The following ELP4 variants were observed in gnomAD, a reference collection of about 807,000 sequenced individuals.
ELP4 encodes elongator complex protein 4.
A neutral mutation model predicts 48.9 loss-of-function variants in ELP4; 51 were observed. The ratio of observed to expected loss-of-function variants is 1.04; its 90% CI spans 0.83 to 1.32. The LOEUF (loss-of-function observed/expected upper bound fraction) is 1.32. Among genes scored for constraint, ELP4 ranks in the 40% most tolerant of loss-of-function variants. The pLI is 0.00. For missense variants in ELP4, 519 were observed against 514.6 expected (o/e 1.01, Z -0.08); for synonymous variants, 210 against 189.2 (o/e 1.11, Z -0.90).
intron 9 of ELP4, among the ~76,000 whole-genome samples, chr11:31,777,286 C>T (rs1283356250): frequency 6.6e-6 from 1 of 152,090 alleles, no homozygotes; most frequent in Non-Finnish European, 1.5e-5. Flanking sequence ...CCTTGTGACC[C>T]TGAAAGGAAA....
intron 9 of ELP4, among the ~76,000 whole-genome samples, chr11:31,720,499 C>CA (rs370228569): frequency 0.01 from 1,425 of 140,908 alleles, 14 homozygotes; most frequent in Admixed American, 0.016. Flanking sequence ...ATAGTAAGGC[C>CA]AAAAAAAAAA....
At chr11:31,597,075 A>G (rs1197792990) in intron 4 of ELP4, among the ~76,000 whole-genome samples, 5 of 152,218 alleles carry the variant, frequency 3.3e-5, no homozygotes, top group African/African-American at 1.2e-4. Flanking sequence ...TTCTGTAGAA[A>G]GTATTTTGGT....
In ELP4 at chr11:31,632,324, C is replaced by T; in HGVS notation, c.846C>T (p.Thr282=). Residue 282 remains threonine (T), a synonymous_variant, in exon 7 of 10, where the codon ACC becomes ACT. Coordinates refer to ENST00000640961, the MANE Select transcript of ELP4 (RefSeq NM_019040.5). The part of the protein sequence containing the change: ...AENGGNSHSL[T]KFLYVLRGLL... ...ATGGTGGCAACAGTCACAGCCTTAC[C>T]AAGTTCCTCTATGTTCTCCGTGGTC... is the stretch of plus-strand genomic sequence containing the variant. 6.2e-7 allele frequency: 1 copy of T among 1,613,504 alleles called. No individual in the cohort carries two copies. The highest frequency in any genetic ancestry group is 1.1e-5 in the South Asian group (1 of 91,018).
At chr11:31,781,495 T>G (rs1948376760) in intron 9 of ELP4, among the ~76,000 whole-genome samples, 1 of 126,464 alleles carries the variant, frequency 7.9e-6, no homozygotes, top group Non-Finnish European at 1.7e-5. Context: ...AGCCTTTTTT[T>G]TTTTTTTTTT....
intron 9 of ELP4, among the ~76,000 whole-genome samples, chr11:31,657,261 T>C (rs1193291845): frequency 6.6e-6 from 1 of 152,034 alleles, no homozygotes; most frequent in African/African-American, 2.4e-5. Context: ...TTTCAAGACC[T>C]TTTCATGTCA....
chr11:31,787,295 C>T lies in ELP4; in HGVS notation c.*3771C>T, dbSNP rs1291295617. On this transcript the variant is annotated 3_prime_UTR_variant, in exon 10 of 10. Coordinates refer to ENST00000640961, the MANE Select transcript of ELP4 (RefSeq NM_019040.5). ...TCCTGACCTTCAGAGCACACATATA[C>T]GTGCCCAAGTGCACACATACAGACC... 4 of 233,172 alleles carry T rather than the reference C, an allele frequency of 1.7e-5. No individual in the cohort carries two copies. The East Asian group carries it at 2.4e-4, about 14-fold the overall frequency. The allele number at this position is 233,172 out of a possible 1,614,324, so 14.4% of individuals were successfully genotyped here.
At chr11:31,618,952 A>T (rs1484397762) in intron 5 of ELP4, among the ~76,000 whole-genome samples, 2 of 152,068 alleles carry the variant, frequency 1.3e-5, no homozygotes, top group Non-Finnish European at 2.9e-5. Context: ...GTCATCAGTC[A>T]CCATAATAAA....
chr11:31,717,415 A>G (rs1366502241), intron 9 of ELP4, among the ~76,000 whole-genome samples: 3 of 151,960 alleles, frequency 2.0e-5, no homozygotes, highest in Non-Finnish European at 4.4e-5. Flanking sequence ...GCCCATGGCT[A>G]TTCTTGTTAT....
At chr11:31,514,539 A>G (rs1008611120) in intron 1 of ELP4, among the ~76,000 whole-genome samples, 3 of 152,214 alleles carry the variant, frequency 2.0e-5, no homozygotes, top group Non-Finnish European at 4.4e-5. Context: ...GGGAGAGGAA[A>G]TAGTAAACAA....
chr11:31,790,259 A>AG lies in ELP4; in HGVS notation c.*6736dup, dbSNP rs1949450647. On this transcript the variant is annotated 3_prime_UTR_variant, in exon 10 of 10. Coordinates refer to ENST00000640961, the MANE Select transcript of ELP4 (RefSeq NM_019040.5). ...ACCCCCCACCCCAATCCAAAGGAAA[A>AG]GAAAAAAAAAATCCTCTGTTTGTTT... 1 of 529,876 alleles carries AG rather than the reference A, an allele frequency of 1.9e-6. No individual in the cohort carries two copies. The highest frequency in any genetic ancestry group is 4.2e-5 in the Admixed American group (1 of 23,694). 32.8% of individuals were successfully genotyped at this position (529,876 alleles called of 1,614,324 possible).
chr11:31,540,674 G>A (rs1031959950), intron 3 of ELP4, among the ~76,000 whole-genome samples: 4 of 152,008 alleles, frequency 2.6e-5, no homozygotes, highest in African/African-American at 9.7e-5. Context: ...AAATTAAAAT[G>A]TTCATACATA....
chr11:31,701,357 A>G (rs1004135402), intron 9 of ELP4, among the ~76,000 whole-genome samples: 1 of 152,118 alleles, frequency 6.6e-6, no homozygotes, highest in Non-Finnish European at 1.5e-5. Context: ...AGCTCCTTGT[A>G]TCTTGCTCTT....
intron 9 of ELP4, among the ~76,000 whole-genome samples, chr11:31,733,922 ACTGTAGG>A (rs1038702630): frequency 6.6e-6 from 1 of 152,188 alleles, no homozygotes; most frequent in Admixed American, 6.5e-5. Context: ...AGAAAATAAA[ACTGTAGG>A]CCACTATCTG....
intron 9 of ELP4, among the ~76,000 whole-genome samples, chr11:31,777,377 C>A (rs1263306934): frequency 6.6e-6 from 1 of 152,206 alleles, no homozygotes; most frequent in Admixed American, 6.5e-5. Context: ...CTTTTATTCC[C>A]ACCCTCTGGA....
chr11:31,662,271 G>A (rs1328262198), intron 9 of ELP4, among the ~76,000 whole-genome samples: 1 of 152,064 alleles, frequency 6.6e-6, no homozygotes, highest in Non-Finnish European at 1.5e-5. Context: ...ATAAACATGA[G>A]CAATTTCTTT....
intron 9 of ELP4, among the ~76,000 whole-genome samples, chr11:31,665,653 T>C (rs1304698960): frequency 1.4e-5 from 2 of 140,010 alleles, no homozygotes; most frequent in Non-Finnish European, 3.1e-5. Flanking sequence ...TCGTCTCTCT[T>C]CCTTTTTTTT....
chr11:31,778,871 A>G (rs1565151010), intron 9 of ELP4, among the ~76,000 whole-genome samples: 2 of 152,186 alleles, frequency 1.3e-5, no homozygotes, highest in African/African-American at 4.8e-5. Context: ...TTTTTGAGAC[A>G]GTTACTAAAG....
chr11:31,538,227 G>A (rs1956534628), intron 2 of ELP4, among the ~76,000 whole-genome samples: 1 of 149,184 alleles, frequency 6.7e-6, no homozygotes, highest in African/African-American at 2.4e-5. Flanking sequence ...AATACTTAAA[G>A]CCAAATCCAG....
intron 3 of ELP4, among the ~76,000 whole-genome samples, chr11:31,581,761 T>TTTTTTC (rs1372451743): frequency 2.0e-5 from 3 of 151,740 alleles, no homozygotes; most frequent in Non-Finnish European, 4.4e-5. Flanking sequence ...TCTTTTTTTT[T>TTTTTTC]TTTTTCTTTT....
Sources: gnomAD v4.1 joint callset for allele counts (sites outside exome capture counted in the v4.1 genomes callset) on GRCh38, gnomAD v4.1.1 for gene constraint, MANE v1.5 for transcripts, NCBI Gene and HGNC (gene_info 2026-07-23, HGNC 2026-07-21) for gene names.